CXADR: variants seen among roughly 807,000 people sequenced by gnomAD.
The protein encoded by CXADR is coxsackievirus and adenovirus receptor.
Under a neutral mutation model 40.3 loss-of-function variants are expected in CXADR, and 20 were observed. The ratio of observed to expected loss-of-function variants is 0.50; its 90% CI spans 0.35 to 0.72. The LOEUF is 0.72. Ranked by LOEUF, CXADR falls within the 30% of genes least tolerant of loss-of-function variation. The pLI is 0.01. For missense variants in CXADR, 332 were observed against 449.1 expected (o/e 0.74, Z 2.36); for synonymous variants, 150 against 161.3 (o/e 0.93, Z 0.53).
At chr21:17,634,250 G>T in the CXADR span, among the ~76,000 whole-genome samples, 2 of 152,088 alleles carry the variant, frequency 1.3e-5, no homozygotes, top group African/African-American at 2.4e-5. Context: ...AGTCCTATAT[G>T]GGGGGGATCC....
rs2061253431 is a variant in CXADR at position 17,569,190 on chromosome 21, G to A, written c.*3498G>A. ...ACATTTGATGTTATGTGAATGTTGA[G>A]TTTTTTCTTCTAATTTTCACTTCAG... On this transcript the variant is annotated 3_prime_UTR_variant, in exon 7 of 7. Coordinates refer to ENST00000284878, the MANE Select transcript of CXADR (RefSeq NM_001338.5). 1.0e-6 allele frequency: 1 copy of A among 985,172 alleles called. No individual in the cohort carries two copies. The highest frequency in any genetic ancestry group is 4.7e-5 in the South Asian group (1 of 21,286). The allele number at this position is 985,172 out of a possible 1,614,324, so 61.0% of individuals were successfully genotyped here.
At chr21:17,538,202 T>C (rs1481290468) in intron 1 of CXADR, among the ~76,000 whole-genome samples, 1 of 29,176 alleles carries the variant, frequency 3.4e-5, no homozygotes, top group Non-Finnish European at 6.2e-5. Flanking sequence ...GGTTTCACCG[T>C]GTTAGCCAGG....
chr21:17,565,509 G>A lies in CXADR; in HGVS notation c.915G>A (p.Met305Ile). 6.2e-7 allele frequency: 1 copy of A among 1,613,892 alleles called. No homozygotes were observed. Among genetic ancestry groups the A allele is most frequent in the Non-Finnish European group, 8.5e-7 (1 of 1,179,836 alleles). Residue 305 changes from methionine (M) to isoleucine (I), a missense_variant, in exon 7 of 7, where the codon ATG becomes ATA. Physicochemically the swap from Met to Ile is conservative, Grantham distance 10 (BLOSUM62 1). Around this residue, in one of 3 missense-constraint regions of CXADR, gnomAD observed 150 missense variants for 194.2 expected, o/e 0.77. Transcript: ENST00000284878. The stretch of plus-strand genomic sequence containing the variant: ...GTAATCATTCATCCCTGGGGTCCAT[G>A]TCTCCTTCCAACATGGAAGGATATT... ...IGSNHSSLGSMSPSNMEGYSK... is the reference protein window; with the variant it reads ...IGSNHSSLGSISPSNMEGYSK...
At chr21:17,540,937 T>C (rs984020404) in intron 1 of CXADR, among the ~76,000 whole-genome samples, 1 of 152,222 alleles carries the variant, frequency 6.6e-6, no homozygotes, top group African/African-American at 2.4e-5. Context: ...TATGGTTGTG[T>C]GCTCTCTTGT....
the CXADR span, among the ~76,000 whole-genome samples, chr21:17,606,800 T>G: frequency 6.6e-6 from 1 of 152,210 alleles, no homozygotes; most frequent in Non-Finnish European, 1.5e-5. Context: ...TCTTTCCATT[T>G]TTGCAATTAC....
chr21:17,589,578 T>C (rs1465266634), intron 7 of CXADR, among the ~76,000 whole-genome samples: 1 of 99,438 alleles, frequency 1.0e-5, no homozygotes, highest in Non-Finnish European at 1.8e-5. Flanking sequence ...ATTCTAGGCA[T>C]ACCATTTTTT....
At chr21:17,611,752 C>T in the CXADR span, 2 of 152,240 alleles carry the variant, frequency 1.3e-5, no homozygotes, top group African/African-American at 4.8e-5. Flanking sequence ...CTACTTTGTT[C>T]CACAAGGCTC....
At chr21:17,575,642 T>C (rs1476467731) in intron 7 of CXADR, among the ~76,000 whole-genome samples, 2 of 151,652 alleles carry the variant, frequency 1.3e-5, no homozygotes, top group African/African-American at 4.8e-5. Context: ...AGGTGTCCAC[T>C]ACCAAGCCCA....
intron 1 of CXADR, among the ~76,000 whole-genome samples, chr21:17,533,445 T>C (rs572141790): frequency 3.3e-5 from 5 of 152,238 alleles, no homozygotes; most frequent in Admixed American, 6.5e-5. Flanking sequence ...TCTTTATTAC[T>C]GTTGTATGAT....
At chr21:17,555,722 A>G (rs757996790) in intron 3 of CXADR, among the ~76,000 whole-genome samples, 17 of 151,714 alleles carry the variant, frequency 1.1e-4, no homozygotes, top group Non-Finnish European at 2.4e-4. Context: ...GGGCTTCTCC[A>G]CTCTAGAGTT....
chr21:17,533,720 G>T (rs191304097), intron 1 of CXADR, among the ~76,000 whole-genome samples: 10 of 152,084 alleles, frequency 6.6e-5, no homozygotes, highest in Non-Finnish European at 8.8e-5. Context: ...TTAAGGTGAT[G>T]GTTTCCCCAT....
intron 5 of CXADR, 148 bp downstream of exon 5, chr21:17,560,972 T>TA: frequency 1.5e-6 from 2 of 1,294,698 alleles, no homozygotes. Context: ...TCTAGAAAAA[T>TA]ACATTTTATT....
At chr21:17,547,409 T>C (rs1187662225) in intron 2 of CXADR, among the ~76,000 whole-genome samples, 1 of 152,120 alleles carries the variant, frequency 6.6e-6, no homozygotes, top group African/African-American at 2.4e-5. Flanking sequence ...GACCTAAGGT[T>C]ACAGAAGAGC....
chr21:17,593,929 A>G (rs563413894), downstream of CXADR: 4 of 920,804 alleles, frequency 4.3e-6, no homozygotes, highest in African/African-American at 6.8e-5. Flanking sequence ...TAAAGTGCAT[A>G]TATTTTTTAA....
chr21:17,534,859 A>G (rs181568387), intron 1 of CXADR, among the ~76,000 whole-genome samples: 1 of 145,166 alleles, frequency 6.9e-6, no homozygotes. Flanking sequence ...ATCTTGGCTC[A>G]CTGCAGCCCC....
chr21:17,534,009 T>A (rs1230534961), intron 1 of CXADR, among the ~76,000 whole-genome samples: 2 of 26,686 alleles, frequency 7.5e-5, no homozygotes, highest in African/African-American at 3.0e-4. Context: ...TTCTCAGCAA[T>A]ATATATATAT....
intron 1 of CXADR, among the ~76,000 whole-genome samples, chr21:17,524,973 A>G (rs1045568821): frequency 2.0e-5 from 3 of 152,174 alleles, no homozygotes; most frequent in African/African-American, 7.2e-5. Context: ...AAGTTTTTGT[A>G]GTTTATTTCA....
intron 1 of CXADR, among the ~76,000 whole-genome samples, chr21:17,522,954 A>C (rs140780914): frequency 3.9e-5 from 6 of 152,372 alleles, no homozygotes; most frequent in South Asian, 2.1e-4. Context: ...CAAAATGCCC[A>C]GGCAAAAATA....
At chr21:17,516,520 CT>C (rs1051539119) in intron 1 of CXADR, among the ~76,000 whole-genome samples, 3 of 152,190 alleles carry the variant, frequency 2.0e-5, no homozygotes, top group Non-Finnish European at 1.5e-5. Context: ...GTCAGCATTA[CT>C]TAGGGATCTT....
Sources: gnomAD v4.1 joint callset for allele counts (sites outside exome capture counted in the v4.1 genomes callset) on GRCh38, gnomAD v4.1.1 for gene constraint, gnomAD v4.1.1 regional missense constraint, MANE v1.5 for transcripts, NCBI Gene and HGNC (gene_info 2026-07-23, HGNC 2026-07-21) for gene names.